MACROD2: variants seen among roughly 807,000 people sequenced by gnomAD.
The protein encoded by MACROD2 is ADP-ribose glycohydrolase MACROD2.
Under a neutral mutation model 70.4 loss-of-function variants are expected in MACROD2, and 36 were observed. The ratio of observed to expected loss-of-function variants is 0.51; its 90% CI spans 0.39 to 0.68. The LOEUF is 0.68. MACROD2 is among the 30% of genes least tolerant of loss of function. The pLI is 0.00. For synonymous variants in MACROD2, 172 were observed against 178.8 expected (o/e 0.96, Z 0.30); for missense variants, 496 against 538.4 (o/e 0.92, Z 0.78).
intron 6 of MACROD2, among the ~76,000 whole-genome samples, chr20:15,346,706 C>T (rs2078169971): frequency 6.6e-6 from 1 of 152,082 alleles, no homozygotes; most frequent in African/African-American, 2.4e-5. Context: ...AAAAACACTG[C>T]AATATAAAAC....
chr20:14,772,314 G>A (rs113789712), intron 5 of MACROD2, among the ~76,000 whole-genome samples: 8,500 of 151,906 alleles, frequency 0.056, 303 homozygotes, highest in African/African-American at 0.086. Context: ...GATAGTATAT[G>A]TGTATTAGTT....
At chr20:15,042,398 C>T (rs1050608677) in intron 5 of MACROD2, among the ~76,000 whole-genome samples, 1 of 152,216 alleles carries the variant, frequency 6.6e-6, no homozygotes, top group African/African-American at 2.4e-5. Flanking sequence ...AATGCTCAAT[C>T]ATTTCCAGTA....
chr20:15,817,433 C>T (rs542109537), intron 8 of MACROD2, among the ~76,000 whole-genome samples: 1 of 152,270 alleles, frequency 6.6e-6, no homozygotes, highest in South Asian at 2.1e-4. Flanking sequence ...TTCTTCAGAG[C>T]AGATTTTGTA....
Position 15,032,144 on chromosome 20 carries a change from AGAGGCCG to A in MACROD2, c.419-197791_419-197785del, listed in dbSNP as rs1206966243. On this transcript the variant is annotated intron_variant, in intron 5 of 17. Transcript: ENST00000684519. ...ATCAGAGTGGGCACTGGGAGTGAGGAGAGGCCGGAGGGCGGGAGCAGGCACTTCTAGC... is the reference window on the plus strand; with the variant it reads ...ATCAGAGTGGGCACTGGGAGTGAGGAGAGGGCGGGAGCAGGCACTTCTAGC... 2.6e-5 allele frequency among the ~76,000 whole-genome samples: 4 copies of A among 152,296 alleles called. No homozygotes were observed. In the South Asian group the frequency reaches 6.2e-4, roughly 24 times the overall value.
At chr20:14,325,339 T>G in intron 3 of MACROD2, 1 of 418,870 alleles carries the variant, frequency 2.4e-6, no homozygotes, top group Non-Finnish European at 4.2e-6. Flanking sequence ...AAATATAGAA[T>G]TGTGTTCAGG....
intron 6 of MACROD2, among the ~76,000 whole-genome samples, chr20:15,347,681 A>G (rs1171262736): frequency 6.6e-6 from 1 of 152,180 alleles, no homozygotes; most frequent in African/African-American, 2.4e-5. Flanking sequence ...ATATGATATA[A>G]TGTAATACAG....
At chr20:14,205,696 A>C (rs1298422544) in intron 3 of MACROD2, among the ~76,000 whole-genome samples, 2 of 152,176 alleles carry the variant, frequency 1.3e-5, no homozygotes, top group Non-Finnish European at 2.9e-5. Flanking sequence ...CTATCTGCCT[A>C]GGAGAGTTCT....
At chr20:15,416,615 G>A (rs1312275788) in intron 6 of MACROD2, among the ~76,000 whole-genome samples, 1 of 152,138 alleles carries the variant, frequency 6.6e-6, no homozygotes, top group East Asian at 1.9e-4. Context: ...TTAAAAAGTG[G>A]CTGTATTGGC....
intron 5 of MACROD2, chr20:14,892,676 A>G (rs2073777348): frequency 6.6e-6 from 1 of 152,138 alleles, no homozygotes; most frequent in Non-Finnish European, 1.5e-5. Flanking sequence ...CCATTGAACA[A>G]CAACTTGCCA....
intron 5 of MACROD2, among the ~76,000 whole-genome samples, chr20:14,967,598 G>T (rs773980363): frequency 3.3e-5 from 5 of 152,030 alleles, no homozygotes; most frequent in African/African-American, 4.8e-5. Context: ...AACTTTTGAT[G>T]AACAGAAACT....
chr20:15,613,552 G>C (rs1042699232), intron 8 of MACROD2, among the ~76,000 whole-genome samples: 1 of 152,022 alleles, frequency 6.6e-6, no homozygotes, highest in African/African-American at 2.4e-5. Flanking sequence ...TTTTTTCTTT[G>C]TATCAATCAC....
At chr20:15,851,101 T>C (rs1377109159) in intron 8 of MACROD2, among the ~76,000 whole-genome samples, 5 of 152,046 alleles carry the variant, frequency 3.3e-5, no homozygotes, top group Non-Finnish European at 5.9e-5. Context: ...AGAGCGTTAT[T>C]GTCCTAGGTC....
At chr20:15,559,171 G>A (rs2048207795) in intron 8 of MACROD2, among the ~76,000 whole-genome samples, 1 of 143,494 alleles carries the variant, frequency 7.0e-6, no homozygotes, top group Non-Finnish European at 1.5e-5. Context: ...AGCTTGCAGT[G>A]AGTCGAGATC....
chr20:14,224,529 G>A (rs2081714271), intron 3 of MACROD2, among the ~76,000 whole-genome samples: 1 of 152,124 alleles, frequency 6.6e-6, no homozygotes, highest in Admixed American at 6.6e-5. Flanking sequence ...GCTGAACTGA[G>A]GCAGGATACT....
intron 5 of MACROD2, among the ~76,000 whole-genome samples, chr20:15,186,689 A>G (rs1454658214): frequency 2.0e-5 from 3 of 152,184 alleles, no homozygotes; most frequent in Non-Finnish European, 4.4e-5. Context: ...TTTATTGTTC[A>G]CTAACTACTA....
chr20:14,082,473 T>A (rs2054012376), intron 2 of MACROD2, among the ~76,000 whole-genome samples: 1 of 151,838 alleles, frequency 6.6e-6, no homozygotes, highest in Non-Finnish European at 1.5e-5. Context: ...ATTACAGGCG[T>A]GAGCCACCGC....
At chr20:15,040,317 GAAAA>G (rs11087118) in intron 5 of MACROD2, among the ~76,000 whole-genome samples, 1 of 140,604 alleles carries the variant, frequency 7.1e-6, no homozygotes, top group Non-Finnish European at 1.5e-5. Flanking sequence ...TCCGTCTCAG[GAAAA>G]AAAAAAAAAA....
chr20:14,964,040 A>AT (rs1389620298), intron 5 of MACROD2, among the ~76,000 whole-genome samples: 1 of 151,424 alleles, frequency 6.6e-6, no homozygotes, highest in Non-Finnish European at 1.5e-5. Flanking sequence ...AGAAATTCAG[A>AT]TTTTTTTCTG....
intron 3 of MACROD2, among the ~76,000 whole-genome samples, chr20:14,394,613 A>G (rs1285594313): frequency 2.0e-5 from 3 of 152,126 alleles, no homozygotes; most frequent in Admixed American, 2.0e-4. Context: ...CAATGGCTAG[A>G]GCTCCCCATA....
Sources: gnomAD v4.1 joint callset for allele counts (sites outside exome capture counted in the v4.1 genomes callset) on GRCh38, gnomAD v4.1.1 for gene constraint, MANE v1.5 for transcripts, NCBI Gene and HGNC (gene_info 2026-07-23, HGNC 2026-07-21) for gene names.